Variants in PCDHA8 observed in about 807,000 individuals in gnomAD.
The protein encoded by PCDHA8 is protocadherin alpha 8.
In PCDHA8, 53 loss-of-function variants were observed where a neutral mutation model predicts 61.8. The observed-to-expected ratio is 0.86, with a 90% confidence interval of 0.69 to 1.08. PCDHA8 has a LOEUF of 1.08. Among genes scored for constraint, PCDHA8 ranks in the 50% least tolerant of loss-of-function variants. The pLI is 0.00. For synonymous variants in PCDHA8, 618 were observed against 556.6 expected (o/e 1.11, Z -1.55); for missense variants, 1,293 against 1,245.0 (o/e 1.04, Z -0.58).
At chr5:140,980,584 C>A (rs1447001293) in intron 2 of PCDHA8, among the ~76,000 whole-genome samples, 1 of 151,934 alleles carries the variant, frequency 6.6e-6, no homozygotes, top group Non-Finnish European at 1.5e-5. Context: ...GAGCCAAGAT[C>A]GAGCCACTGC....
intron 1 of PCDHA8, chr5:140,861,441 C>A: frequency 2.0e-6 from 1 of 493,506 alleles, no homozygotes; most frequent in Non-Finnish European, 4.2e-6. Context: ...TTCCAAAAGC[C>A]GCAGAAACCT....
Position 140,842,675 on chromosome 5 carries a change from G to A in PCDHA8, c.1354G>A (p.Ala452Thr). The A allele has an allele frequency of 1.3e-5, 20 of 1,595,468 alleles. 3 individuals are homozygous for A. The highest frequency in any genetic ancestry group is 3.5e-4 in the Middle Eastern group (2 of 5,774). ...SVEVADVNDN[A>T]PAFAQPEYTV... ...GGAGGTGGCCGACGTGAACGACAAT[G>A]CTCCGGCGTTCGCGCAGCCCGAGTA... The change falls in exon 1 of 4, where the codon GCT becomes ACT. Residue 452 changes from alanine to threonine, a missense_variant. Ala to Thr is a moderately conservative substitution (Grantham distance 58). Transcript: ENST00000531613.
rs549880473 is a variant in PCDHA8, at chr5:140,972,926, T to C, written c.2395-6023T>C. Among the ~76,000 whole-genome samples the C allele has an allele frequency of 9.2e-5, 14 of 152,264 alleles. No individual in the cohort carries two copies. The East Asian group carries it at 2.7e-3, about 29-fold the overall frequency. On this transcript the variant is annotated intron_variant, in intron 1 of 3. Coordinates refer to ENST00000531613, the MANE Select transcript of PCDHA8 (RefSeq NM_018911.3). ...ATCCACCCGCCTTGGCCTCCCAAAG[T>C]GCTGGGATTACAGATGTGAGCCACC...
At chr5:140,890,237 A>G (rs1554184228) in intron 1 of PCDHA8, among the ~76,000 whole-genome samples, 1 of 152,154 alleles carries the variant, frequency 6.6e-6, no homozygotes, top group East Asian at 1.9e-4. Flanking sequence ...TTAAGCATTT[A>G]CCAGTACACT....
intron 1 of PCDHA8, chr5:140,928,814 A>T (rs782622875): frequency 5.6e-6 from 9 of 1,614,150 alleles, no homozygotes; most frequent in Non-Finnish European, 7.6e-6. Context: ...GTTCGGGACC[A>T]TGGAGACCCA....
chr5:140,968,323 C>G, intron 1 of PCDHA8: 1 of 1,614,114 alleles, frequency 6.2e-7, no homozygotes, highest in Non-Finnish European at 8.5e-7. Flanking sequence ...TGCCAGTCAC[C>G]TCCTATGTCT....
chr5:141,000,395 C>CTCTATAAATA (rs1213762225), intron 3 of PCDHA8, among the ~76,000 whole-genome samples: 2 of 53,986 alleles, frequency 3.7e-5, no homozygotes, highest in African/African-American at 1.5e-4. Flanking sequence ...CTCTCTCTCT[C>CTCTATAAATA]TATATATATA....
chr5:140,928,308 C>A, intron 1 of PCDHA8: 1 of 1,614,126 alleles, frequency 6.2e-7, no homozygotes, highest in Non-Finnish European at 8.5e-7. Flanking sequence ...CCCAGGACCC[C>A]GACCTGGGGA....
intron 3 of PCDHA8, among the ~76,000 whole-genome samples, chr5:141,005,828 T>A (rs752447584): frequency 6.7e-6 from 1 of 149,690 alleles, no homozygotes; most frequent in African/African-American, 2.5e-5. Context: ...TGGCCTGTAG[T>A]CCCAGCCACT....
Position 140,876,759 on chromosome 5 carries a change from T to C in PCDHA8, c.2394+33044T>C, listed in dbSNP as rs782783090. The C allele has an allele frequency of 1.2e-5, 19 of 1,614,028 alleles. No homozygotes were observed. In the Admixed American group the frequency reaches 2.8e-4, roughly 24 times the overall value. Reference sequence around the variant, plus strand: ...ATGAGCTGGTGGTGACTGCGCGGGATGGGGGCTCGCCTTCGCTGTGGGCCA... The same window carrying C: ...ATGAGCTGGTGGTGACTGCGCGGGACGGGGGCTCGCCTTCGCTGTGGGCCA... On this transcript the variant is annotated intron_variant, in intron 1 of 3. Transcript: ENST00000531613.
chr5:140,890,505 C>T (rs968263026), intron 1 of PCDHA8, among the ~76,000 whole-genome samples: 4 of 151,914 alleles, frequency 2.6e-5, no homozygotes, highest in Admixed American at 2.6e-4. Flanking sequence ...ATTTTTATGT[C>T]TCTATTTCCT....
rs1451807345 is a variant in PCDHA8, at chr5:140,860,140, T to A, written c.2394+16425T>A. 3 of 150,428 alleles carry A rather than the reference T, an allele frequency of 2.0e-5. No homozygotes were observed. The South Asian group carries it at 6.2e-4, about 31-fold the overall frequency. 9.3% of individuals were successfully genotyped at this position (150,428 alleles called of 1,614,324 possible). On this transcript the variant is annotated intron_variant, in intron 1 of 3. Transcript: ENST00000531613. ...CTTGTACTGTGTGTGTGTGTATATA[T>A]ATGTATATATGTGTATATATATATG...
chr5:140,853,105 T>G, intron 1 of PCDHA8: 1 of 397,242 alleles, frequency 2.5e-6, no homozygotes, highest in African/African-American at 2.2e-5. Context: ...GGTCTCGATC[T>G]CCTGACCTCA....
chr5:140,909,784 C>T (rs1380024637), intron 1 of PCDHA8, among the ~76,000 whole-genome samples: 1 of 152,154 alleles, frequency 6.6e-6, no homozygotes, highest in African/African-American at 2.4e-5. Context: ...TGGACCCACT[C>T]TAAGTCAGAC....
intron 1 of PCDHA8, chr5:140,927,139 C>T: frequency 6.2e-7 from 1 of 1,614,046 alleles, no homozygotes; most frequent in Non-Finnish European, 8.5e-7. Context: ...GCCGGCGGAC[C>T]GCGAACAGCT....
chr5:140,958,265 C>A (rs1010851166), intron 1 of PCDHA8, among the ~76,000 whole-genome samples: 1 of 151,680 alleles, frequency 6.6e-6, no homozygotes, highest in Admixed American at 6.6e-5. Flanking sequence ...TAATTTGGTA[C>A]AAGAAGTATA....
intron 1 of PCDHA8, among the ~76,000 whole-genome samples, chr5:140,886,605 A>C (rs998772471): frequency 2.6e-5 from 4 of 152,108 alleles, no homozygotes; most frequent in Admixed American, 6.5e-5. Flanking sequence ...AGGTGGGCGG[A>C]TCAGGAGATC....
intron 1 of PCDHA8, chr5:140,876,440 T>G (rs369023443): frequency 3.7e-6 from 6 of 1,613,994 alleles, no homozygotes; most frequent in Admixed American, 1.7e-5. Flanking sequence ...GTTAACGCCA[T>G]TGATAAAGGG....
At chr5:140,850,840 C>T (rs2150500104) in intron 1 of PCDHA8, 1 of 1,597,492 alleles carries the variant, frequency 6.3e-7, no homozygotes, top group Admixed American at 1.7e-5. Flanking sequence ...TGTGCTGGAT[C>T]TACAGAGCGA....
Sources: gnomAD v4.1 joint callset for allele counts (sites outside exome capture counted in the v4.1 genomes callset) on GRCh38, gnomAD v4.1.1 for gene constraint, MANE v1.5 for transcripts, NCBI Gene and HGNC (gene_info 2026-07-23, HGNC 2026-07-21) for gene names.